HTATIP2: variants seen among roughly 807,000 people sequenced by gnomAD.
The protein encoded by HTATIP2 is HIV-1 Tat interactive protein 2, also known as protein HTATIP2.
HTATIP2 carries 26 observed loss-of-function variants against 24.7 expected under a neutral mutation model. The ratio of observed to expected loss-of-function variants is 1.05; its 90% CI spans 0.77 to 1.46. The LOEUF is 1.46. Ranked by LOEUF, HTATIP2 falls within the 40% of genes most tolerant of loss-of-function variation. The pLI is 0.00. For synonymous variants in HTATIP2, 99 were observed against 113.2 expected (o/e 0.87, Z 0.79); for missense variants, 284 against 289.6 (o/e 0.98, Z 0.14).
At chr11:20,377,375 G>T (rs970510940) in intron 3 of HTATIP2, among the ~76,000 whole-genome samples, 1 of 152,088 alleles carries the variant, frequency 6.6e-6, no homozygotes, top group Non-Finnish European at 1.5e-5. Flanking sequence ...GAGCCACTGC[G>T]TCTGGCCTCA....
intron 3 of HTATIP2, among the ~76,000 whole-genome samples, chr11:20,377,770 GT>G (rs1191507068): frequency 6.6e-6 from 1 of 152,174 alleles, no homozygotes; most frequent in East Asian, 1.9e-4. Context: ...GAAATTTATT[GT>G]TATGTAAATA....
At chr11:20,380,374 T>TA in intron 3 of HTATIP2, among the ~76,000 whole-genome samples, 1 of 152,244 alleles carries the variant, frequency 6.6e-6, no homozygotes, top group African/African-American at 2.4e-5. Flanking sequence ...ACAAATCTTT[T>TA]AAAAAGCTAA....
intron 2 of HTATIP2, among the ~76,000 whole-genome samples, chr11:20,371,735 C>T (rs973563880): frequency 4.6e-5 from 7 of 152,080 alleles, no homozygotes; most frequent in Non-Finnish European, 1.0e-4. Context: ...CGCACCCGGC[C>T]TGAAAAATTC....
chr11:20,377,634 T>C (rs1417962145), intron 3 of HTATIP2, among the ~76,000 whole-genome samples: 1 of 152,200 alleles, frequency 6.6e-6, no homozygotes, highest in Non-Finnish European at 1.5e-5. Context: ...CTATGTGAAG[T>C]CCTTTTACAG....
chr11:20,370,290 G>T (rs2064757786), intron 2 of HTATIP2, among the ~76,000 whole-genome samples: 1 of 152,266 alleles, frequency 6.6e-6, no homozygotes. Context: ...GATCTGTATT[G>T]TCCTGGAGTG....
chr11:20,382,008 T>C (rs1428284211), intron 3 of HTATIP2, among the ~76,000 whole-genome samples, 170 bp from the exon 4 acceptor site: 1 of 152,242 alleles, frequency 6.6e-6, no homozygotes, highest in Non-Finnish European at 1.5e-5. Flanking sequence ...TTAAATGATC[T>C]CTTCCTTAAT....
chr11:20,369,258 G>C (rs534172940), intron 2 of HTATIP2, among the ~76,000 whole-genome samples: 2 of 152,166 alleles, frequency 1.3e-5, no homozygotes, highest in Non-Finnish European at 2.9e-5. Context: ...AAAAAAGTTC[G>C]TTGGGTGGTT....
intron 2 of HTATIP2, among the ~76,000 whole-genome samples, chr11:20,370,735 C>T (rs553545890): frequency 3.3e-5 from 5 of 152,252 alleles, no homozygotes; most frequent in South Asian, 4.1e-4. Flanking sequence ...CTGCAAGCTC[C>T]GCCTCCTGGG....
intron 3 of HTATIP2, among the ~76,000 whole-genome samples, chr11:20,379,029 C>G (rs970098239): frequency 1.3e-5 from 2 of 148,912 alleles, no homozygotes; most frequent in African/African-American, 5.0e-5. Flanking sequence ...GAGTGAGACT[C>G]TGTCTCAAAA....
At chr11:20,378,060 G>A (rs79780743) in intron 3 of HTATIP2, among the ~76,000 whole-genome samples, 13,300 of 152,110 alleles carry the variant, frequency 0.087, 773 homozygotes, top group Admixed American at 0.17. Context: ...TAAAAAAATA[G>A]GATATAAGAT....
chr11:20,383,396 G>T lies in HTATIP2; in HGVS notation c.*191G>T. 1 of 539,802 alleles carries T rather than the reference G, an allele frequency of 1.9e-6. No individual in the cohort carries two copies. The highest frequency in any genetic ancestry group is 3.2e-6 in the Non-Finnish European group (1 of 307,958). The allele number at this position is 539,802 out of a possible 1,614,324, so 33.4% of individuals were successfully genotyped here. A position where few individuals can be genotyped will look rare whatever the true frequency, so the allele number is the denominator to read the frequency against. On this transcript the variant is annotated 3_prime_UTR_variant, in exon 5 of 5. Coordinates refer to ENST00000451739, the MANE Select transcript of HTATIP2 (RefSeq NM_001098522.2). ...TGGTTATACATATAGATCACTCAGG[G>T]AGCTTTGGAAAAATAAAGATTTGTC...
intron 3 of HTATIP2, among the ~76,000 whole-genome samples, 164 bp downstream of exon 3, chr11:20,376,881 T>G (rs1848455078): frequency 6.6e-6 from 1 of 152,210 alleles, no homozygotes; most frequent in South Asian, 2.1e-4. Context: ...CAGGAATGAT[T>G]GGAAAGGTAA....
chr11:20,364,710 G>T (rs1357467866), intron 1 of HTATIP2, among the ~76,000 whole-genome samples: 1 of 152,184 alleles, frequency 6.6e-6, no homozygotes, highest in African/African-American at 2.4e-5. Flanking sequence ...GGGGGTGGGG[G>T]CTGGTGAGAC....
chr11:20,364,382 C>T lies in HTATIP2; in HGVS notation c.145C>T (p.Leu49Phe), dbSNP rs1470275294. The T allele has an allele frequency of 6.2e-7, 1 of 1,611,972 alleles. No individual in the cohort carries two copies. Among genetic ancestry groups the T allele is most frequent in the African/African-American group, 1.3e-5 (1 of 74,988 alleles). The change falls in exon 1 of 5, where the codon CTC (leucine) becomes TTC (phenylalanine). Residue 49 changes from leucine to phenylalanine, a missense_variant. By Grantham distance (22) the Leu-to-Phe change is conservative. Transcript: ENST00000451739. ...GCAGGGCCTGTTTTCCAAAGTCACG[C>T]TCATTGGCCGGAGGAAGCTCACCTT... ...LEQGLFSKVT[L>F]IGRRKLTFDE... is the part of the protein sequence containing the mutation.
chr11:20,379,531 T>C (rs1450909185), intron 3 of HTATIP2, among the ~76,000 whole-genome samples: 2 of 152,184 alleles, frequency 1.3e-5, no homozygotes, highest in Non-Finnish European at 2.9e-5. Flanking sequence ...CTTTATTGTT[T>C]AGGAACATTT....
Position 20,364,055 on chromosome 11 carries a change from C to G in HTATIP2, c.-183C>G. ...GGGCCCCTTCCGATGGGTCTGCTGG[C>G]TCAGGTGCGGGCGATGGCCGGGGAG... On this transcript the variant is annotated 5_prime_UTR_variant, in exon 1 of 5. Coordinates refer to ENST00000451739, the MANE Select transcript of HTATIP2 (RefSeq NM_001098522.2). 1 of 1,357,534 alleles carries G rather than the reference C, an allele frequency of 7.4e-7. No individual in the cohort carries two copies. The highest frequency in any genetic ancestry group is 9.5e-7 in the Non-Finnish European group (1 of 1,055,778). 84.1% of individuals were successfully genotyped at this position (1,357,534 alleles called of 1,614,324 possible).
At chr11:20,365,018 C>G (rs2064681833) in intron 1 of HTATIP2, among the ~76,000 whole-genome samples, 1 of 145,346 alleles carries the variant, frequency 6.9e-6, no homozygotes, top group African/African-American at 2.6e-5. Context: ...GAGTCTCACT[C>G]TGTCCCCCAG....
chr11:20,374,605 T>C (rs1459967994), intron 2 of HTATIP2, among the ~76,000 whole-genome samples: 1 of 152,218 alleles, frequency 6.6e-6, no homozygotes, highest in Non-Finnish European at 1.5e-5. Context: ...TGCCTCGTTC[T>C]TTTACTTTTA....
intron 2 of HTATIP2, among the ~76,000 whole-genome samples, chr11:20,370,901 G>A (rs1322381762): frequency 2.0e-5 from 3 of 152,092 alleles, no homozygotes; most frequent in Non-Finnish European, 1.5e-5. Context: ...TGCCCGTCTT[G>A]GCCTCCCAAA....
Sources: gnomAD v4.1 joint callset for allele counts (sites outside exome capture counted in the v4.1 genomes callset) on GRCh38, gnomAD v4.1.1 for gene constraint, MANE v1.5 for transcripts, NCBI Gene and HGNC (gene_info 2026-07-23, HGNC 2026-07-21) for gene names.